Variants in ALDH1A2 observed in about 807,000 individuals in gnomAD.
The protein encoded by ALDH1A2 is aldehyde dehydrogenase 1 family member A2.
In ALDH1A2, 27 loss-of-function variants were observed where a neutral mutation model predicts 60.3. The observed-to-expected ratio is 0.45, with a 90% confidence interval of 0.33 to 0.62. The LOEUF is 0.62. ALDH1A2 is among the 20% of genes least tolerant of loss of function. The probability of loss-of-function intolerance (pLI) is 0.02; values close to 1 mark genes in which losing one functional copy is unlikely to be tolerated. For synonymous variants in ALDH1A2, 289 were observed against 232.4 expected (o/e 1.24, Z -2.21); for missense variants, 581 against 643.8 (o/e 0.90, Z 1.06).
chr15:57,955,250 C>T lies in ALDH1A2; in HGVS notation c.1504G>A (p.Glu502Lys). ...GTCACCGTCTTAACTTCTGAGTACT[C>T]CCGCAAGCCAAATTCTCCCCTGAAA... ...GREMGEFGLR[E>K]YSEVKTVTVK... The change falls in exon 13 of 13, where the codon GAG becomes AAG. Residue 502 changes from glutamate (E) to lysine (K), a missense_variant. Physicochemically the swap from Glu to Lys is moderately conservative, Grantham distance 56 (BLOSUM62 1). This residue lies in a region of ALDH1A2 where 375 missense variants were observed against 469.7 expected (regional missense o/e 0.80). Coordinates refer to ENST00000249750, the MANE Select transcript of ALDH1A2 (RefSeq NM_003888.4). The T allele has an allele frequency of 6.2e-7, 1 of 1,614,060 alleles. No homozygotes were observed. Among genetic ancestry groups the T allele is most frequent in the Non-Finnish European group, 8.5e-7 (1 of 1,180,010 alleles).
Position 57,984,723 on chromosome 15 carries a change from T to C in ALDH1A2, c.798+7982A>G, listed in dbSNP as rs149207453. On this transcript the variant is annotated intron_variant, in intron 7 of 12. Transcript: ENST00000249750. ...CTTTTTATGGGTGAACAGTATTCCA[T>C]TGTATGGATAGACCACTTTTTGTTA... Among the ~76,000 whole-genome samples the C allele has an allele frequency of 5.9e-5, 9 of 152,368 alleles. No individual in the cohort carries two copies. The East Asian group carries it at 1.3e-3, about 23-fold the overall frequency.
chr15:58,063,554 A>T (rs997568867), intron 1 of ALDH1A2, among the ~76,000 whole-genome samples: 30 of 149,514 alleles, frequency 2.0e-4, no homozygotes, highest in African/African-American at 3.2e-4. Context: ...CTTCACGTTT[A>T]AAAAAAAAAT....
At chr15:57,994,213 G>T (rs981950378) in intron 5 of ALDH1A2, among the ~76,000 whole-genome samples, 1 of 152,142 alleles carries the variant, frequency 6.6e-6, no homozygotes, top group Non-Finnish European at 1.5e-5. Flanking sequence ...AAGAGCAAGA[G>T]AACTTAAATC....
Position 57,955,402 on chromosome 15 carries a change from T to A in ALDH1A2, c.1485-133A>T. 5.7e-6 allele frequency: 5 copies of A among 881,606 alleles called. No homozygotes were observed. In the East Asian group the frequency reaches 1.2e-4, roughly 22 times the overall value. 54.6% of individuals were successfully genotyped at this position (881,606 alleles called of 1,614,324 possible). On this transcript the variant is annotated intron_variant, in intron 12 of 12. Transcript: ENST00000249750. ...CCTGGGATGTTCATGTAAAAATTCC[T>A]CACGTATGCGCAGCCCAGCCTTCCT...
chr15:57,956,900 C>T (rs530370968), intron 12 of ALDH1A2, among the ~76,000 whole-genome samples: 9 of 152,334 alleles, frequency 5.9e-5, no homozygotes, highest in African/African-American at 2.2e-4. Flanking sequence ...AAGTCTACAG[C>T]ATCAGAAACC....
chr15:57,968,832 G>A (rs199683131), intron 7 of ALDH1A2, among the ~76,000 whole-genome samples: 3 of 152,288 alleles, frequency 2.0e-5, no homozygotes, highest in East Asian at 3.9e-4. Flanking sequence ...TTTGCCACTA[G>A]AAATGTCGGC....
intron 1 of ALDH1A2, among the ~76,000 whole-genome samples, chr15:58,055,691 A>T (rs1259943248): frequency 6.6e-6 from 1 of 152,100 alleles, no homozygotes; most frequent in Admixed American, 6.6e-5. Flanking sequence ...TTAAAATTAG[A>T]GATACACATG....
chr15:57,991,273 A>T (rs1286963369), intron 7 of ALDH1A2, among the ~76,000 whole-genome samples: 1 of 152,242 alleles, frequency 6.6e-6, no homozygotes, highest in Admixed American at 6.5e-5. Context: ...AAACTTCAGA[A>T]TAATTAATAA....
chr15:57,971,376 G>T (rs1894061556), intron 7 of ALDH1A2, among the ~76,000 whole-genome samples: 1 of 152,140 alleles, frequency 6.6e-6, no homozygotes, highest in Admixed American at 6.5e-5. Flanking sequence ...CATTGTGCTT[G>T]TTTAATAGCT....
chr15:58,044,081 T>C (rs186668048), intron 1 of ALDH1A2, among the ~76,000 whole-genome samples: 39 of 152,036 alleles, frequency 2.6e-4, no homozygotes, highest in Non-Finnish European at 1.0e-4. Flanking sequence ...TTTGCTGATG[T>C]CTATTTGAAA....
intron 7 of ALDH1A2, among the ~76,000 whole-genome samples, chr15:57,973,689 C>A (rs568811328): frequency 1.3e-5 from 2 of 152,314 alleles, no homozygotes; most frequent in East Asian, 3.9e-4. Flanking sequence ...ACAAATGCCG[C>A]TCTCCCTTAA....
At chr15:57,986,000 A>G (rs1214264583) in intron 7 of ALDH1A2, among the ~76,000 whole-genome samples, 1 of 152,214 alleles carries the variant, frequency 6.6e-6, no homozygotes, top group African/African-American at 2.4e-5. Context: ...TGAAGTAAAT[A>G]AAATAGTAAC....
chr15:58,017,308 T>A (rs1895815379), intron 1 of ALDH1A2, among the ~76,000 whole-genome samples: 1 of 152,194 alleles, frequency 6.6e-6, no homozygotes. Flanking sequence ...TACTTGATAT[T>A]CATAAATGGA....
At chr15:57,992,011 G>A (rs755519429) in intron 7 of ALDH1A2, among the ~76,000 whole-genome samples, 3 of 152,082 alleles carry the variant, frequency 2.0e-5, no homozygotes, top group Non-Finnish European at 4.4e-5. Context: ...TTTTGGTATG[G>A]CCTACAAGCT....
chr15:58,016,265 T>A (rs1566949877), intron 1 of ALDH1A2, among the ~76,000 whole-genome samples: 1 of 151,408 alleles, frequency 6.6e-6, no homozygotes. Flanking sequence ...TGCCTCAGCC[T>A]CCCGAGTAGC....
chr15:57,977,895 C>T (rs1275421080), intron 7 of ALDH1A2, among the ~76,000 whole-genome samples: 2 of 152,124 alleles, frequency 1.3e-5, no homozygotes, highest in Non-Finnish European at 2.9e-5. Flanking sequence ...TATAGTTCTC[C>T]TTGAAGAGGT....
chr15:58,063,417 T>C (rs1249552525), intron 1 of ALDH1A2, among the ~76,000 whole-genome samples: 1 of 152,192 alleles, frequency 6.6e-6, no homozygotes, highest in Non-Finnish European at 1.5e-5. Flanking sequence ...ACTCTTCTGT[T>C]TGAAATTGCT....
intron 7 of ALDH1A2, among the ~76,000 whole-genome samples, chr15:57,976,521 G>A (rs958573338): frequency 3.3e-5 from 5 of 152,088 alleles, no homozygotes; most frequent in African/African-American, 1.2e-4. Flanking sequence ...ATGGTGTTTG[G>A]TTTTCTGTTT....
intron 7 of ALDH1A2, among the ~76,000 whole-genome samples, chr15:57,990,875 CA>C (rs34227301): frequency 0.022 from 2,457 of 111,816 alleles, 44 homozygotes; most frequent in African/African-American, 0.062. Flanking sequence ...AACTCCATCT[CA>C]AAAAAAAAAA....
Sources: allele counts gnomAD v4.1 joint callset (sites outside exome capture counted in the v4.1 genomes callset), GRCh38; gene constraint gnomAD v4.1.1; regional missense constraint gnomAD v4.1.1; transcripts MANE v1.5; gene names NCBI Gene and HGNC (gene_info 2026-07-23, HGNC 2026-07-21).